The following CFAP77 variants were observed in gnomAD, a reference collection of about 807,000 sequenced individuals.
The protein encoded by CFAP77 is cilia- and flagella-associated protein 77.
A neutral mutation model predicts 31.1 loss-of-function variants in CFAP77; 25 were observed. That is an observed-to-expected ratio of 0.80 (90% CI 0.59 to 1.12). The LOEUF (loss-of-function observed/expected upper bound fraction) is 1.12. Ranked by LOEUF, CFAP77 falls within the 50% of genes most tolerant of loss-of-function variation. The pLI, the probability that CFAP77 is intolerant of heterozygous loss-of-function variation, is 0.00. For synonymous variants in CFAP77, 151 were observed against 159.9 expected, an observed-to-expected ratio of 0.94 and a Z score of 0.42; for missense variants, 377 against 397.3, an observed-to-expected ratio of 0.95 and a Z score of 0.44.
rs1564204082 is a variant in CFAP77 at position 132,438,534 on chromosome 9, TA to T, written c.195+28069del. ...AACAGATATGGTATATATATATATA[TA>T]TATATATTTTTTTTTTTTTTTTTAG... On this transcript the variant is annotated intron_variant, in intron 1 of 5. Coordinates refer to ENST00000393216, the MANE Select transcript of CFAP77 (RefSeq NM_001282957.2). Among the ~76,000 whole-genome samples the T allele has an allele frequency of 3.4e-3, 407 of 118,334 alleles. 4 individuals carry two copies. The highest frequency in any genetic ancestry group is 0.016 in the African/African-American group (397 of 25,146). 77.6% of individuals were successfully genotyped at this position (118,334 alleles called of 152,430 possible). A position where few individuals can be genotyped will look rare whatever the true frequency, so the allele number is the denominator to read the frequency against.
intron 1 of CFAP77, among the ~76,000 whole-genome samples, chr9:132,469,771 A>G (rs953600214): frequency 2.0e-5 from 3 of 151,988 alleles, no homozygotes; most frequent in Admixed American, 6.5e-5. Context: ...TCTAAGAAAT[A>G]GCGAAACCGG....
At chr9:132,555,748 A>C (rs1564251417) in intron 5 of CFAP77, among the ~76,000 whole-genome samples, 1 of 150,946 alleles carries the variant, frequency 6.6e-6, no homozygotes, top group Non-Finnish European at 1.5e-5. Context: ...TCCCTAACAC[A>C]CCCCCCAGCC....
chr9:132,555,822 T>TG (rs1852895684), intron 5 of CFAP77, among the ~76,000 whole-genome samples: 1 of 151,890 alleles, frequency 6.6e-6, no homozygotes, highest in Non-Finnish European at 1.5e-5. Context: ...GATCTCCGCG[T>TG]TGTGAGATGG....
intron 1 of CFAP77, among the ~76,000 whole-genome samples, chr9:132,472,887 G>A (rs892521601): frequency 1.3e-5 from 2 of 152,166 alleles, no homozygotes; most frequent in African/African-American, 4.8e-5. Flanking sequence ...TCCAGTTAGG[G>A]CCATGTCTTA....
Position 132,554,850 on chromosome 9 carries a change from A to G in CFAP77, c.732+11803A>G, listed in dbSNP as rs546080872. ...AGACTCCTGACCCACTCATCTGTCC[A>G]TCCGTCCATCCATCTGTCCATTCAT... On this transcript the variant is annotated intron_variant, in intron 5 of 5. Transcript: ENST00000393216. The surrounding 1 kb of genome is among the most constrained non-coding windows in gnomAD (Gnocchi z 4.1). Among the ~76,000 whole-genome samples the G allele has an allele frequency of 1.3e-5, 2 of 152,208 alleles. No homozygotes were observed. Among genetic ancestry groups the G allele is most frequent in the African/African-American group, 4.8e-5 (2 of 41,542 alleles).
In CFAP77 at chr9:132,410,462, T is replaced by C; in HGVS notation, c.191T>C (p.Val64Ala). ...TCCATGTTTCAGAACCCTCTCATCG[T>C]CAAGGTGAGCACCCCACGCCCACCG... Reference protein sequence around the residue: ...RDSMFQNPLIVKAELGKPRER... With the variant: ...RDSMFQNPLIAKAELGKPRER... The change falls in exon 1 of 6, where the codon GTC becomes GCC. Residue 64 changes from valine (V) to alanine (A), a missense_variant. Val to Ala is a moderately conservative substitution (Grantham distance 64). Transcript: ENST00000393216. 6.3e-7 allele frequency: 1 copy of C among 1,580,896 alleles called. No individual in the cohort carries two copies. The highest frequency in any genetic ancestry group is 8.6e-7 in the Non-Finnish European group (1 of 1,166,736).
At position 132,539,292 on chromosome 9, in the gene CFAP77, A is replaced by G. The variant is rs1463998869; in HGVS notation, c.630+1586A>G. ...CTCCGGCGTGGCTAGTTGTCATGAC[A>G]ATCACAACCAGCACCCTCCCCAAGC... is the stretch of plus-strand genomic sequence containing the variant. On this transcript the variant is annotated intron_variant, in intron 4 of 5. Coordinates refer to ENST00000393216, the MANE Select transcript of CFAP77 (RefSeq NM_001282957.2). The surrounding 1 kb of genome is among the most constrained non-coding windows in gnomAD (Gnocchi z 4.3). Among the ~76,000 whole-genome samples the G allele has an allele frequency of 1.3e-5, 2 of 152,100 alleles. No individual in the cohort carries two copies. The highest frequency in any genetic ancestry group is 4.8e-5 in the African/African-American group (2 of 41,478).
At chr9:132,439,823 TG>T (rs1290782935) in intron 1 of CFAP77, among the ~76,000 whole-genome samples, 1 of 129,358 alleles carries the variant, frequency 7.7e-6, no homozygotes. Flanking sequence ...CACTCCAGCC[TG>T]GGAGACAGAG....
At chr9:132,510,487 G>A (rs928532993) in intron 3 of CFAP77, among the ~76,000 whole-genome samples, 2 of 152,190 alleles carry the variant, frequency 1.3e-5, no homozygotes, top group African/African-American at 4.8e-5. Context: ...GTGCTGCTGT[G>A]AGCCAGCCGG....
chr9:132,455,160 G>A lies in CFAP77; in HGVS notation c.196-43535G>A, dbSNP rs563184474. Reference sequence around the variant, plus strand: ...TATCAGGCCTGGGACCTTGTTGATGGCAATACCATCTGTCATTGCAGCAGA... The same window carrying A: ...TATCAGGCCTGGGACCTTGTTGATGACAATACCATCTGTCATTGCAGCAGA... On this transcript the variant is annotated intron_variant, in intron 1 of 5. Transcript: ENST00000393216. This position sits in a 1 kb window ranked among gnomAD's most constrained non-coding sequence, Gnocchi z 4.1. Among the ~76,000 whole-genome samples, 28 of 152,260 alleles carry A rather than the reference G, an allele frequency of 1.8e-4. No individual in the cohort carries two copies. Among genetic ancestry groups the A allele is most frequent in the African/African-American group, 6.5e-4 (27 of 41,550 alleles).
Position 132,464,015 on chromosome 9 carries a change from C to T in CFAP77, c.196-34680C>T, listed in dbSNP as rs1304796008. On this transcript the variant is annotated intron_variant, in intron 1 of 5. Coordinates refer to ENST00000393216, the MANE Select transcript of CFAP77 (RefSeq NM_001282957.2). ...AGGCAAAGGGGTCGGATGGGAATCA[C>T]GGAAAGAGGCTGCTTTCCCTCATTC... Among the ~76,000 whole-genome samples the T allele has an allele frequency of 3.3e-5, 5 of 152,198 alleles. No individual in the cohort carries two copies. In the South Asian group the frequency reaches 8.3e-4, roughly 25 times the overall value.
chr9:132,450,215 C>T (rs550520654), intron 1 of CFAP77, among the ~76,000 whole-genome samples: 2 of 151,922 alleles, frequency 1.3e-5, no homozygotes, highest in African/African-American at 4.8e-5. Flanking sequence ...CAGGTGTGAG[C>T]CACCACGCCC....
chr9:132,486,066 G>T (rs12236159), intron 1 of CFAP77, among the ~76,000 whole-genome samples: 6 of 16,350 alleles, frequency 3.7e-4, no homozygotes, highest in Non-Finnish European at 5.2e-4. Flanking sequence ...GTGTGTGTGT[G>T]TATATATATA....
chr9:132,479,965 T>C (rs1851418286), intron 1 of CFAP77, among the ~76,000 whole-genome samples: 1 of 152,116 alleles, frequency 6.6e-6, no homozygotes, highest in Non-Finnish European at 1.5e-5. Context: ...AGCTCTCCAC[T>C]GTGCGCCTCT....
intron 1 of CFAP77, among the ~76,000 whole-genome samples, chr9:132,450,319 A>C (rs904742174): frequency 5.3e-5 from 8 of 151,548 alleles, no homozygotes; most frequent in African/African-American, 1.9e-4. Flanking sequence ...AACAGGGAGA[A>C]GGATGCAATG....
intron 1 of CFAP77, among the ~76,000 whole-genome samples, chr9:132,435,161 G>A (rs945448336): frequency 5.3e-5 from 8 of 152,016 alleles, no homozygotes; most frequent in African/African-American, 1.9e-4. Flanking sequence ...ACAGCGGGAG[G>A]GAATGCAACC....
chr9:132,507,442 G>A (rs530024163), intron 3 of CFAP77, among the ~76,000 whole-genome samples: 320 of 152,318 alleles, frequency 2.1e-3, no homozygotes, highest in African/African-American at 7.2e-3. Flanking sequence ...TCAGATAAGC[G>A]GGAAATGCTG....
rs553204940 is a variant in CFAP77 at position 132,537,525 on chromosome 9, C to T, written c.525-76C>T. 2.0e-4 allele frequency: 217 copies of T among 1,069,782 alleles called. No homozygotes were observed. The African/African-American group carries it at 2.6e-3, about 13-fold the overall frequency. The allele number at this position is 1,069,782 out of a possible 1,614,324, so 66.3% of individuals were successfully genotyped here. Reference sequence around the variant, plus strand: ...CAGCCCCTGACGTTTAGGAGGCTCCCGGGGGCGGGCGGTGGGGAGCGGGTG... The same window carrying T: ...CAGCCCCTGACGTTTAGGAGGCTCCTGGGGGCGGGCGGTGGGGAGCGGGTG... On this transcript the variant is annotated intron_variant, in intron 3 of 5. Coordinates refer to ENST00000393216, the MANE Select transcript of CFAP77 (RefSeq NM_001282957.2).
chr9:132,546,611 C>T (rs558318560), intron 5 of CFAP77, among the ~76,000 whole-genome samples: 3 of 152,360 alleles, frequency 2.0e-5, no homozygotes, highest in African/African-American at 2.4e-5. Context: ...GAGACCCCCG[C>T]GCTGGATGAC....
Sources: allele counts gnomAD v4.1 joint callset (sites outside exome capture counted in the v4.1 genomes callset), GRCh38; gene constraint gnomAD v4.1.1; non-coding constraint Gnocchi (gnomAD v3.1); transcripts MANE v1.5; gene names NCBI Gene and HGNC (gene_info 2026-07-23, HGNC 2026-07-21).